Variants in AGBL4 observed in about 807,000 individuals in gnomAD.
The protein encoded by AGBL4 is cytosolic carboxypeptidase 6.
A neutral mutation model predicts 66.4 loss-of-function variants in AGBL4; 58 were observed. That is an observed-to-expected ratio of 0.87 (90% CI 0.71 to 1.09). The LOEUF (loss-of-function observed/expected upper bound fraction) is 1.09. AGBL4 is among the 50% of genes least tolerant of loss of function. AGBL4 has a pLI of 0.00. For synonymous variants in AGBL4, 234 were observed against 222.9 expected, an observed-to-expected ratio of 1.05 and a Z score of -0.44; for missense variants, 579 against 631.0, an observed-to-expected ratio of 0.92 and a Z score of 0.88.
At chr1:48,847,473 G>T (rs530807345) in intron 6 of AGBL4, among the ~76,000 whole-genome samples, 2 of 151,156 alleles carry the variant, frequency 1.3e-5, no homozygotes, top group African/African-American at 4.9e-5. Flanking sequence ...ATCTCAGCTG[G>T]GTGATCCTGA....
At chr1:49,583,773 G>A (rs1644592424) in intron 3 of AGBL4, among the ~76,000 whole-genome samples, 1 of 152,102 alleles carries the variant, frequency 6.6e-6, no homozygotes, top group Non-Finnish European at 1.5e-5. Context: ...AGGACACTGG[G>A]GTTCCCCTCA....
chr1:49,223,185 G>T (rs1190155639), intron 4 of AGBL4, among the ~76,000 whole-genome samples: 1 of 152,124 alleles, frequency 6.6e-6, no homozygotes, highest in South Asian at 2.1e-4. Context: ...AAGGTTTTAA[G>T]GTTGAGCCTT....
At chr1:49,762,445 C>T (rs1652400038) in intron 2 of AGBL4, among the ~76,000 whole-genome samples, 1 of 147,536 alleles carries the variant, frequency 6.8e-6, no homozygotes, top group Admixed American at 6.8e-5. Context: ...CGGAGTCTTG[C>T]TCTGTCGCCC....
intron 4 of AGBL4, among the ~76,000 whole-genome samples, chr1:49,112,749 T>A (rs1645437445): frequency 6.6e-6 from 1 of 152,208 alleles, no homozygotes; most frequent in African/African-American, 2.4e-5. Context: ...AGTTTTATCA[T>A]GAGATTGTAG....
intron 3 of AGBL4, among the ~76,000 whole-genome samples, chr1:49,490,770 T>C (rs1314928871): frequency 1.3e-5 from 2 of 151,792 alleles, no homozygotes; most frequent in East Asian, 3.9e-4. Context: ...TCTGGGGAGA[T>C]AGTGCTGTAG....
rs529494779 is a variant in AGBL4 at position 49,830,035 on chromosome 1, G to A, written c.157+21361C>T. On this transcript the variant is annotated intron_variant, in intron 2 of 13. Coordinates refer to ENST00000371839, the MANE Select transcript of AGBL4 (RefSeq NM_032785.4). ...CTATCATTAGTGGGCATTTGGGTTA[G>A]TTCCAAGTCTTTGCTATTGTGAACA... Among the ~76,000 whole-genome samples, 18 of 152,252 alleles carry A rather than the reference G, an allele frequency of 1.2e-4. No homozygotes were observed. In the South Asian group the frequency reaches 3.3e-3, roughly 28 times the overall value.
At chr1:49,213,524 A>G (rs1366043911) in intron 4 of AGBL4, among the ~76,000 whole-genome samples, 1 of 151,950 alleles carries the variant, frequency 6.6e-6, no homozygotes, top group Admixed American at 6.6e-5. Flanking sequence ...TATTTCCGCC[A>G]TGTGAGACGC....
chr1:48,535,780 A>G (rs935872619), intron 12 of AGBL4, among the ~76,000 whole-genome samples: 2 of 152,104 alleles, frequency 1.3e-5, no homozygotes, highest in African/African-American at 4.8e-5. Flanking sequence ...GCCAGCTACA[A>G]AATACTTGCC....
intron 3 of AGBL4, among the ~76,000 whole-genome samples, chr1:49,639,902 A>G (rs1645748515): frequency 6.6e-6 from 1 of 152,330 alleles, no homozygotes; most frequent in East Asian, 1.9e-4. Flanking sequence ...TATTTCAGAT[A>G]GTAAGTTAAA....
intron 1 of AGBL4, among the ~76,000 whole-genome samples, chr1:49,989,063 T>G (rs947789497): frequency 2.0e-5 from 3 of 152,096 alleles, no homozygotes; most frequent in African/African-American, 7.2e-5. Context: ...CTCAGTGAAG[T>G]TAGCGTCTAA....
intron 3 of AGBL4, among the ~76,000 whole-genome samples, chr1:49,677,591 C>T (rs1442164961): frequency 1.3e-5 from 2 of 151,984 alleles, no homozygotes. Flanking sequence ...GGTGTTGGAG[C>T]AATACTGAGC....
chr1:49,978,317 A>G (rs1267400879), intron 1 of AGBL4, among the ~76,000 whole-genome samples: 14 of 152,150 alleles, frequency 9.2e-5, no homozygotes, highest in Admixed American at 9.2e-4. Context: ...AGTGGTATGC[A>G]CTTGTAGTCC....
intron 3 of AGBL4, among the ~76,000 whole-genome samples, chr1:49,571,170 T>C (rs1295031760): frequency 6.6e-6 from 1 of 151,944 alleles, no homozygotes; most frequent in African/African-American, 2.4e-5. Flanking sequence ...TCTGTAGATT[T>C]CTTTGAGCAG....
intron 4 of AGBL4, among the ~76,000 whole-genome samples, chr1:49,123,735 G>A (rs1645710040): frequency 6.6e-6 from 1 of 152,134 alleles, no homozygotes; most frequent in African/African-American, 2.4e-5. Context: ...GTCAATAAAA[G>A]CTGTGTTTGT....
intron 4 of AGBL4, among the ~76,000 whole-genome samples, chr1:49,241,186 C>T (rs1651202187): frequency 6.6e-6 from 1 of 152,064 alleles, no homozygotes; most frequent in African/African-American, 2.4e-5. Flanking sequence ...AGCAGCAAGA[C>T]TGATCTTTCT....
intron 6 of AGBL4, among the ~76,000 whole-genome samples, chr1:48,864,218 T>C (rs911398942): frequency 6.6e-6 from 1 of 152,116 alleles, no homozygotes; most frequent in Non-Finnish European, 1.5e-5. Context: ...GGGAAACATA[T>C]ATTATAACAG....
intron 11 of AGBL4, among the ~76,000 whole-genome samples, chr1:48,582,966 C>G (rs961653416): frequency 4.7e-4 from 71 of 152,180 alleles, no homozygotes; most frequent in African/African-American, 1.7e-3. Flanking sequence ...GATGAAATAT[C>G]CCTTGGGATT....
chr1:49,516,295 T>G (rs1649818255), intron 3 of AGBL4, among the ~76,000 whole-genome samples: 2 of 151,880 alleles, frequency 1.3e-5, no homozygotes, highest in South Asian at 4.1e-4. Context: ...CAAGGTGCCA[T>G]GAGATCACAT....
intron 2 of AGBL4, among the ~76,000 whole-genome samples, chr1:49,704,340 A>G (rs1647160657): frequency 6.6e-6 from 1 of 152,100 alleles, no homozygotes; most frequent in Non-Finnish European, 1.5e-5. Context: ...TTTATGAGCA[A>G]TTTACTTTAA....
Sources: gnomAD v4.1 joint callset for allele counts (sites outside exome capture counted in the v4.1 genomes callset) on GRCh38, gnomAD v4.1.1 for gene constraint, MANE v1.5 for transcripts, NCBI Gene and HGNC (gene_info 2026-07-23, HGNC 2026-07-21) for gene names.